The following DHRS2 variants were observed in gnomAD, a reference collection of about 807,000 sequenced individuals.
The protein encoded by DHRS2 is dehydrogenase/reductase SDR family member 2, mitochondrial.
A neutral mutation model predicts 26.3 loss-of-function variants in DHRS2; 29 were observed. The ratio of observed to expected loss-of-function variants is 1.10; its 90% CI spans 0.82 to 1.50. The LOEUF (loss-of-function observed/expected upper bound fraction) is 1.50, where lower values mean the gene tolerates loss of function less well. Among genes scored for constraint, DHRS2 ranks in the 40% most tolerant of loss-of-function variants. DHRS2 has a pLI of 0.00. For synonymous variants in DHRS2, 164 were observed against 151.3 expected, an observed-to-expected ratio of 1.08 and a Z score of -0.62; for missense variants, 439 against 367.1, an observed-to-expected ratio of 1.20 and a Z score of -1.60.
At chr14:23,630,884 T>C (rs1890100223) in intron 1 of DHRS2, among the ~76,000 whole-genome samples, 1 of 152,164 alleles carries the variant, frequency 6.6e-6, no homozygotes, top group Non-Finnish European at 1.5e-5. Flanking sequence ...AGAGTTGAGG[T>C]CAATAGAAAG....
chr14:23,639,059 C>T, intron 2 of DHRS2, 55 bp downstream of exon 2: 1 of 1,598,910 alleles, frequency 6.3e-7, no homozygotes, highest in South Asian at 1.1e-5. Flanking sequence ...TTGTGGCTTC[C>T]ACAAGGACTC....
chr14:23,644,364 C>T lies in DHRS2; in HGVS notation c.541-45C>T, dbSNP rs139969168. ...GGTGAGAAATCCAACTGATGCTTTC[C>T]CCCACTCTCCCATATCCTAATCACT... On this transcript the variant is annotated intron_variant, in intron 6 of 8. Coordinates refer to ENST00000250383, the MANE Select transcript of DHRS2 (RefSeq NM_005794.4). The T allele has an allele frequency of 5.5e-4, 887 of 1,609,878 alleles. 5 individuals are homozygous for T. The African/African-American group carries it at 0.011, about 20-fold the overall frequency.
At position 23,643,953 on chromosome 14, in the gene DHRS2, A is replaced by T. The variant is rs570856595; in HGVS notation, c.489-158A>T. 20 of 738,376 alleles carry T rather than the reference A, an allele frequency of 2.7e-5. No homozygotes were observed. The African/African-American group carries it at 3.3e-4, about 12-fold the overall frequency. 45.7% of individuals were successfully genotyped at this position (738,376 alleles called of 1,614,324 possible). A position where few individuals can be genotyped will look rare whatever the true frequency, so the allele number is the denominator to read the frequency against. Reference sequence around the variant, plus strand: ...CTCTGCCGTGTATTGGCTGGTACTAAACCTTTCTGAGCCTCAGTTTTCTGA... The same window carrying T: ...CTCTGCCGTGTATTGGCTGGTACTATACCTTTCTGAGCCTCAGTTTTCTGA... On this transcript the variant is annotated intron_variant, in intron 5 of 8. Coordinates refer to ENST00000250383, the MANE Select transcript of DHRS2 (RefSeq NM_005794.4).
At chr14:23,631,242 T>G (rs983911619) in intron 1 of DHRS2, among the ~76,000 whole-genome samples, 4 of 152,180 alleles carry the variant, frequency 2.6e-5, no homozygotes, top group African/African-American at 9.7e-5. Context: ...TGGTATCTTA[T>G]TGCTAAAAGT....
In DHRS2 at chr14:23,640,982, A is replaced by ACTG. The variant is rs1440761199; in HGVS notation, c.420+1088_420+1090dup. The stretch of plus-strand genomic sequence containing the variant: ...CAGGATCATGACTCTTTTTCTCGAA[A>ACTG]CTGTTGCAGTCCTCCCTCCTGAAGC... On this transcript the variant is annotated intron_variant, in intron 4 of 8. Coordinates refer to ENST00000250383, the MANE Select transcript of DHRS2 (RefSeq NM_005794.4). The ACTG allele has an allele frequency of 1.2e-4, 19 of 152,206 alleles. 1 individual carries two copies. Among genetic ancestry groups the ACTG allele is most frequent in the African/African-American group, 4.6e-4 (19 of 41,472 alleles). The allele number at this position is 152,206 out of a possible 1,614,324, so 9.4% of individuals were successfully genotyped here.
upstream of DHRS2, among the ~76,000 whole-genome samples, chr14:23,632,997 G>C (rs1256333222): frequency 6.6e-6 from 1 of 152,240 alleles, no homozygotes; most frequent in Non-Finnish European, 1.5e-5. Flanking sequence ...TCTTCCATTA[G>C]AGTAGGGAAT....
At chr14:23,633,412 C>T (rs188767162), upstream of DHRS2, among the ~76,000 whole-genome samples, 264 of 152,314 alleles carry the variant, frequency 1.7e-3, no homozygotes, top group Middle Eastern at 6.8e-3. Context: ...ATTCCAGGCA[C>T]ATAGGCATCC....
At chr14:23,637,211 C>T (rs1160738920) in intron 1 of DHRS2, among the ~76,000 whole-genome samples, 1 of 152,160 alleles carries the variant, frequency 6.6e-6, no homozygotes, top group East Asian at 1.9e-4. Flanking sequence ...CTAGGCTAGT[C>T]CCACTTCTAA....
At chr14:23,632,085 A>G (rs1381931435), upstream of DHRS2, among the ~76,000 whole-genome samples, 1 of 152,194 alleles carries the variant, frequency 6.6e-6, no homozygotes, top group Non-Finnish European at 1.5e-5. Context: ...TGAGCTAGGA[A>G]CACATCTCAC....
intron 4 of DHRS2, chr14:23,642,103 C>T: frequency 9.4e-7 from 1 of 1,058,246 alleles, no homozygotes; most frequent in Non-Finnish European, 1.1e-6. Context: ...AGACTTTAGT[C>T]ACAAGCAGGA....
chr14:23,644,837 A>C lies in DHRS2; in HGVS notation c.686A>C (p.Asn229Thr). 6.2e-7 allele frequency: 1 copy of C among 1,614,206 alleles called. No homozygotes were observed. The highest frequency in any genetic ancestry group is 8.5e-7 in the Non-Finnish European group (1 of 1,180,022). Residue 229 changes from asparagine to threonine, a missense_variant, in exon 8 of 9, where the codon AAT (asparagine) becomes ACT (threonine). Physicochemically the swap from Asn to Thr is moderately conservative, Grantham distance 65 (BLOSUM62 0). Coordinates refer to ENST00000250383, the MANE Select transcript of DHRS2 (RefSeq NM_005794.4). ...CTTCCCTTTGCCCAGTTTCATGGGA[A>C]TGAGTCTCTCTGGAAGAACTTCAAG... The part of the protein sequence containing the change: ...KTDFSKVFHG[N>T]ESLWKNFKEH...
intron 7 of DHRS2, 104 bp from the exon 8 acceptor site, chr14:23,644,723 G>A: frequency 1.3e-6 from 2 of 1,501,936 alleles, no homozygotes; most frequent in Non-Finnish European, 1.8e-6. Context: ...TCCTTCTTTT[G>A]AGAAGGGCAA....
chr14:23,643,728 C>A (rs1890760470), intron 5 of DHRS2: 1 of 304,262 alleles, frequency 3.3e-6, no homozygotes, highest in Non-Finnish European at 6.3e-6. Context: ...AAGGAAAGTT[C>A]CTGACTGTCA....
intron 3 of DHRS2, among the ~76,000 whole-genome samples, 195 bp downstream of exon 3, chr14:23,639,551 C>A (rs1890537419): frequency 6.6e-6 from 1 of 152,150 alleles, no homozygotes; most frequent in African/African-American, 2.4e-5. Flanking sequence ...ACCCCACCCC[C>A]AGGCCCGGGG....
At chr14:23,635,947 T>C (rs116694117), upstream of DHRS2, among the ~76,000 whole-genome samples, 472 of 152,350 alleles carry the variant, frequency 3.1e-3, 2 homozygotes, top group African/African-American at 0.011. Context: ...CGCAAAGTCC[T>C]GCAGTGTGTG....
Position 23,642,055 on chromosome 14 carries a change from T to C in DHRS2, c.421-1097T>C, listed in dbSNP as rs189756077. 4 of 1,089,532 alleles carry C rather than the reference T, an allele frequency of 3.7e-6. No individual in the cohort carries two copies. The Admixed American group carries it at 1.5e-4, about 40-fold the overall frequency. 67.5% of individuals were successfully genotyped at this position (1,089,532 alleles called of 1,614,324 possible). A position where few individuals can be genotyped will look rare whatever the true frequency, so the allele number is the denominator to read the frequency against. ...GTTCCCAGACCCACCAGACAGAGCT[T>C]CCAGAGTGTCAGGACATGTGTGACT... is the stretch of plus-strand genomic sequence containing the variant. On this transcript the variant is annotated intron_variant, in intron 4 of 8. Coordinates refer to ENST00000250383, the MANE Select transcript of DHRS2 (RefSeq NM_005794.4).
chr14:23,633,774 T>G (rs192846218), upstream of DHRS2, among the ~76,000 whole-genome samples: 3 of 152,300 alleles, frequency 2.0e-5, no homozygotes, highest in African/African-American at 7.2e-5. Context: ...GCCCTTTGCA[T>G]AGAACAACTT....
At position 23,645,361 on chromosome 14, in the gene DHRS2, G is replaced by A. The variant is rs1890837889; in HGVS notation, c.*108G>A. The A allele has an allele frequency of 2.6e-5, 41 of 1,592,828 alleles. 1 individual carries two copies. The South Asian group carries it at 4.4e-4, about 17-fold the overall frequency. ...CAGAGTCTGCCATTCTGCCAGACTA[G>A]CAATTTGGGGGCTTACTCATGCTAG... On this transcript the variant is annotated 3_prime_UTR_variant, in exon 9 of 9. Coordinates refer to ENST00000250383, the MANE Select transcript of DHRS2 (RefSeq NM_005794.4).
In DHRS2 at chr14:23,639,204, C is replaced by G; in HGVS notation, c.166C>G (p.Leu56Val). ...GATCGGCTTTGCCATCGCCCGACGT[C>G]TGGCCCGGGACGGGGCCCACGTGGT... ...SGIGFAIARR[L>V]ARDGAHVVIS... Residue 56 changes from leucine to valine, a missense_variant, in exon 3 of 9, where the codon CTG (leucine) becomes GTG (valine). Leu to Val is a conservative substitution (Grantham distance 32, BLOSUM62 1). Coordinates refer to ENST00000250383, the MANE Select transcript of DHRS2 (RefSeq NM_005794.4). 1 of 1,613,896 alleles carries G rather than the reference C, an allele frequency of 6.2e-7. No homozygotes were observed. Among genetic ancestry groups the G allele is most frequent in the Non-Finnish European group, 8.5e-7 (1 of 1,179,942 alleles).
Sources: allele counts gnomAD v4.1 joint callset (sites outside exome capture counted in the v4.1 genomes callset), GRCh38; gene constraint gnomAD v4.1.1; transcripts MANE v1.5; gene names NCBI Gene and HGNC (gene_info 2026-07-23, HGNC 2026-07-21).